Variants in PARD3 observed in about 807,000 individuals in gnomAD.
The protein encoded by PARD3 is par-3 family cell polarity regulator, also known as partitioning defective 3 homolog.
PARD3 carries 75 observed loss-of-function variants against 155.4 expected under a neutral mutation model. The observed-to-expected ratio is 0.48, with a 90% CI of 0.40 to 0.58. The LOEUF (loss-of-function observed/expected upper bound fraction) is 0.58. Ranked by LOEUF, PARD3 falls within the 20% of genes least tolerant of loss-of-function variation. PARD3 has a pLI of 0.00. For synonymous variants in PARD3, 576 were observed against 610.5 expected, an observed-to-expected ratio of 0.94 and a Z score of 0.83; for missense variants, 1,642 against 1,721.7, an observed-to-expected ratio of 0.95 and a Z score of 0.82.
intron 5 of PARD3, among the ~76,000 whole-genome samples, chr10:34,427,414 C>G (rs542485249): frequency 6.6e-6 from 1 of 152,296 alleles, no homozygotes; most frequent in South Asian, 2.1e-4. Flanking sequence ...TCCTGCAGTG[C>G]CCCTAGGCTT....
chr10:34,494,231 C>G (rs1174657855), intron 3 of PARD3, among the ~76,000 whole-genome samples: 4 of 152,142 alleles, frequency 2.6e-5, no homozygotes, highest in Admixed American at 6.5e-5. Context: ...TAAGGCTAGA[C>G]AGGAGAGCAC....
At chr10:34,270,614 T>C (rs1360063890) in intron 21 of PARD3, among the ~76,000 whole-genome samples, 1 of 152,198 alleles carries the variant, frequency 6.6e-6, no homozygotes, top group Non-Finnish European at 1.5e-5. Context: ...ATATGTAATA[T>C]ATACCTATCT....
chr10:34,280,826 T>C (rs1276870447), intron 21 of PARD3, among the ~76,000 whole-genome samples: 2 of 152,132 alleles, frequency 1.3e-5, no homozygotes, highest in African/African-American at 4.8e-5. Flanking sequence ...GTTTGGAGAA[T>C]GGTGACTCTC....
chr10:34,488,434 C>T (rs2079620195), intron 3 of PARD3: 1 of 152,264 alleles, frequency 6.6e-6, no homozygotes, highest in Non-Finnish European at 1.5e-5. Context: ...ATCCTCCCAC[C>T]CCTGCCTCCT....
At chr10:34,347,631 A>C (rs902183465) in intron 15 of PARD3, among the ~76,000 whole-genome samples, 1 of 152,086 alleles carries the variant, frequency 6.6e-6, no homozygotes, top group African/African-American at 2.4e-5. Flanking sequence ...TTAAATTTTG[A>C]TTTCTTTTTA....
intron 22 of PARD3, among the ~76,000 whole-genome samples, chr10:34,253,931 C>A (rs532129438): frequency 9.9e-5 from 15 of 151,952 alleles, no homozygotes; most frequent in Non-Finnish European, 1.3e-4. Context: ...GACTTGGAAG[C>A]GTGGGAGTGG....
Position 34,119,617 on chromosome 10 carries a change from G to T in PARD3, c.3664C>A (p.Pro1222Thr). 1 of 1,602,026 alleles carries T rather than the reference G, an allele frequency of 6.2e-7. No individual in the cohort carries two copies. ...CTCGGCCAAGCGTCCTCATACCGAGGCAGAGAGCTGTACTGGCGCTGGGCC... is the reference window on the plus strand; with the variant it reads ...CTCGGCCAAGCGTCCTCATACCGAGTCAGAGAGCTGTACTGGCGCTGGGCC... Reference protein sequence around the residue: ...QQAQRQYSSLPRQSRKNASSV... With the variant: ...QQAQRQYSSLTRQSRKNASSV... The change falls in exon 24 of 25, where the codon CCT (proline) becomes ACT (threonine). Residue 1222 changes from proline to threonine, a missense_variant. By Grantham distance (38) the Pro-to-Thr change is conservative (BLOSUM62 -1). This residue lies in a region of PARD3 where 1,529 missense variants were observed against 1,587.3 expected (regional missense o/e 0.96). Transcript: ENST00000374788.
At chr10:34,321,965 C>G (rs183102770) in intron 19 of PARD3, among the ~76,000 whole-genome samples, 9 of 152,214 alleles carry the variant, frequency 5.9e-5, no homozygotes, top group East Asian at 3.9e-4. Flanking sequence ...TCTATTTCCC[C>G]CCCCCATTGA....
At chr10:34,344,428 G>A (rs1411770241) in intron 15 of PARD3, 3 of 495,510 alleles carry the variant, frequency 6.1e-6, no homozygotes, top group Non-Finnish European at 7.8e-6. Context: ...GACTACGGGT[G>A]TGCAACACAA....
rs1349168845 is a variant in PARD3, at chr10:34,605,724, C to CTA, written c.223-88567_223-88566dup. On this transcript the variant is annotated intron_variant, in intron 2 of 24. Transcript: ENST00000374788. The stretch of plus-strand genomic sequence containing the variant: ...TATATCTCCTATATATATATATCTC[C>CTA]TATATATATATCTCCTATATATATA... Among the ~76,000 whole-genome samples, 24 of 12,920 alleles carry CTA rather than the reference C, an allele frequency of 1.9e-3. 1 individual carries two copies. The highest frequency in any genetic ancestry group is 4.3e-3 in the Admixed American group (4 of 922). The allele number at this position is 12,920 out of a possible 152,430, so 8.5% of individuals were successfully genotyped here.
At chr10:34,143,688 G>C (rs1346951335) in intron 22 of PARD3, among the ~76,000 whole-genome samples, 1 of 152,046 alleles carries the variant, frequency 6.6e-6, no homozygotes, top group Admixed American at 6.5e-5. Flanking sequence ...TTCTTGAAAT[G>C]ACTCAGAATA....
intron 4 of PARD3, among the ~76,000 whole-genome samples, chr10:34,466,678 T>C (rs2078027045): frequency 6.6e-6 from 1 of 152,122 alleles, no homozygotes; most frequent in African/African-American, 2.4e-5. Context: ...TTATAACATC[T>C]TAAAGCATGA....
chr10:34,720,215 C>A (rs759586672), intron 1 of PARD3, among the ~76,000 whole-genome samples: 1 of 152,168 alleles, frequency 6.6e-6, no homozygotes, highest in Non-Finnish European at 1.5e-5. Context: ...GGTGGATCGC[C>A]TGAGTGTCAG....
At chr10:34,204,742 T>A (rs1951387528) in intron 22 of PARD3, among the ~76,000 whole-genome samples, 1 of 152,220 alleles carries the variant, frequency 6.6e-6, no homozygotes, top group South Asian at 2.1e-4. Context: ...TTTCAAATCA[T>A]CTTTCTTGAT....
At chr10:34,359,752 G>C (rs190735744) in intron 13 of PARD3, among the ~76,000 whole-genome samples, 38 of 152,222 alleles carry the variant, frequency 2.5e-4, no homozygotes, top group Admixed American at 3.9e-4. Flanking sequence ...CCACAAACAG[G>C]GGAGGGGAGG....
At chr10:34,427,964 A>C (rs910657947) in intron 5 of PARD3, among the ~76,000 whole-genome samples, 6 of 152,112 alleles carry the variant, frequency 3.9e-5, no homozygotes, top group African/African-American at 1.4e-4. Flanking sequence ...TGGACAGTGA[A>C]GTGGAATATG....
intron 2 of PARD3, among the ~76,000 whole-genome samples, chr10:34,554,255 T>C (rs937685380): frequency 4.6e-5 from 7 of 152,230 alleles, no homozygotes; most frequent in African/African-American, 1.2e-4. Context: ...AAATGTAACA[T>C]GTAGATCCTG....
At chr10:34,450,290 C>T (rs766463508) in intron 5 of PARD3, 27 bp downstream of exon 5, 29 of 1,603,134 alleles carry the variant, frequency 1.8e-5, no homozygotes, top group African/African-American at 1.5e-4. Context: ...ACAGCAATGA[C>T]GCACATATAA....
chr10:34,599,197 G>C (rs193233419), intron 2 of PARD3, among the ~76,000 whole-genome samples: 1 of 152,210 alleles, frequency 6.6e-6, no homozygotes, highest in African/African-American at 2.4e-5. Flanking sequence ...AACTCTTAGC[G>C]TAAGTATGGC....
Sources: allele counts gnomAD v4.1 joint callset (sites outside exome capture counted in the v4.1 genomes callset), GRCh38; gene constraint gnomAD v4.1.1; regional missense constraint gnomAD v4.1.1; transcripts MANE v1.5; gene names NCBI Gene and HGNC (gene_info 2026-07-23, HGNC 2026-07-21).